Variants in HECW2 observed in about 807,000 individuals in gnomAD.
The protein encoded by HECW2 is HECT, C2 and WW domain containing E3 ubiquitin protein ligase 2.
HECW2 carries 61 observed loss-of-function variants against 175.2 expected under a neutral mutation model. The ratio of observed to expected loss-of-function variants is 0.35; its 90% confidence interval spans 0.28 to 0.43. The LOEUF is 0.43. Among genes scored for constraint, HECW2 ranks in the 20% least tolerant of loss-of-function variants. HECW2 has a pLI of 1.00. For synonymous variants in HECW2, 671 were observed against 731.0 expected, an observed-to-expected ratio of 0.92 and a Z score of 1.32; for missense variants, 1,524 against 2,000.5, an observed-to-expected ratio of 0.76 and a Z score of 4.54.
chr2:196,294,276 T>C (rs2105648872), intron 13 of HECW2, among the ~76,000 whole-genome samples: 1 of 152,306 alleles, frequency 6.6e-6, no homozygotes, highest in African/African-American at 2.4e-5. Flanking sequence ...GGAATAACTG[T>C]ATGGCAGCTG....
intron 1 of HECW2, among the ~76,000 whole-genome samples, chr2:196,568,440 G>A (rs1690256797): frequency 6.6e-6 from 1 of 152,102 alleles, no homozygotes; most frequent in South Asian, 2.1e-4. Context: ...CCAAAAACTA[G>A]GAAATACAGA....
intron 1 of HECW2, among the ~76,000 whole-genome samples, chr2:196,434,032 T>C (rs1482510533): frequency 6.6e-6 from 1 of 152,106 alleles, no homozygotes; most frequent in East Asian, 1.9e-4. Context: ...GCATTCCCCA[T>C]CCCTCCTTTC....
intron 1 of HECW2, among the ~76,000 whole-genome samples, chr2:196,484,155 T>C (rs988267212): frequency 9.2e-5 from 14 of 152,138 alleles, no homozygotes; most frequent in African/African-American, 3.4e-4. Flanking sequence ...CTTCATTAAG[T>C]TGTTGGAGGT....
chr2:196,486,294 C>A (rs1340562643), intron 1 of HECW2, among the ~76,000 whole-genome samples: 1 of 152,210 alleles, frequency 6.6e-6, no homozygotes, highest in Non-Finnish European at 1.5e-5. Flanking sequence ...GGTATTTTCA[C>A]AGCTCTCCAG....
intron 3 of HECW2, among the ~76,000 whole-genome samples, chr2:196,336,756 A>G (rs1692563609): frequency 1.3e-5 from 2 of 152,180 alleles, no homozygotes; most frequent in Admixed American, 1.3e-4. Context: ...TCTCCAACCC[A>G]GATGACAAAG....
chr2:196,314,624 A>G (rs1332562278), intron 10 of HECW2, among the ~76,000 whole-genome samples: 1 of 152,218 alleles, frequency 6.6e-6, no homozygotes, highest in Non-Finnish European at 1.5e-5. Flanking sequence ...GCAACAACCT[A>G]TTAATTACAG....
intron 2 of HECW2, among the ~76,000 whole-genome samples, chr2:196,431,799 AAGAG>A (rs1400252848): frequency 1.3e-5 from 2 of 152,226 alleles, no homozygotes; most frequent in African/African-American, 4.8e-5. Context: ...AAGGAAAAAA[AAGAG>A]AGATAACAAT....
chr2:196,458,722 T>C (rs895993232), intron 1 of HECW2, among the ~76,000 whole-genome samples: 1 of 151,976 alleles, frequency 6.6e-6, no homozygotes, highest in Non-Finnish European at 1.5e-5. Context: ...AAAAATTAGC[T>C]GGGCGTGGTG....
chr2:196,254,220 A>G (rs553002962), intron 18 of HECW2, among the ~76,000 whole-genome samples, 191 bp from the exon 19 acceptor site: 14 of 152,232 alleles, frequency 9.2e-5, no homozygotes, highest in Non-Finnish European at 4.4e-5. Context: ...CCCTGTGGCT[A>G]TTTCCCTGTT....
intron 2 of HECW2, among the ~76,000 whole-genome samples, chr2:196,348,102 T>C (rs1237971652): frequency 6.6e-6 from 1 of 152,266 alleles, no homozygotes; most frequent in African/African-American, 2.4e-5. Flanking sequence ...AGAAGATCAA[T>C]TTTAATTAGT....
At chr2:196,246,777 C>T (rs895314422) in intron 19 of HECW2, among the ~76,000 whole-genome samples, 3 of 152,048 alleles carry the variant, frequency 2.0e-5, no homozygotes, top group Non-Finnish European at 2.9e-5. Context: ...CTTAAAAGGA[C>T]GTGGGAAATG....
At position 196,215,968 on chromosome 2, in the gene HECW2, C is replaced by G. The variant is rs756538096; in HGVS notation, c.4504G>C (p.Gly1502Arg). 1 of 1,610,908 alleles carries G rather than the reference C, an allele frequency of 6.2e-7. No homozygotes were observed. The highest frequency in any genetic ancestry group is 1.7e-5 in the Admixed American group (1 of 59,944). Reference sequence around the variant, plus strand: ...CCTTCATAGGGAATGCTGGATGTGCCTGTAACAAACTGTCAACCCAAGAAA... The same window carrying G: ...CCTTCATAGGGAATGCTGGATGTGCGTGTAACAAACTGTCAACCCAAGAAA... ...QRLRLLQFVT[G>R]TSSIPYEGFA... The change falls in exon 28 of 29, where the codon GGC becomes CGC. Residue 1502 changes from glycine (G) to arginine (R), a missense_variant. Around this residue, in one of 11 missense-constraint regions of HECW2, gnomAD observed 134 missense variants for 287.8 expected, o/e 0.47. Transcript: ENST00000644978.
intron 2 of HECW2, among the ~76,000 whole-genome samples, chr2:196,392,778 A>G (rs926055607): frequency 6.6e-6 from 1 of 152,186 alleles, no homozygotes; most frequent in Non-Finnish European, 1.5e-5. Context: ...TTTACATACA[A>G]AAGATTTTCG....
intron 1 of HECW2, among the ~76,000 whole-genome samples, chr2:196,546,024 T>C (rs574402147): frequency 6.6e-6 from 1 of 152,348 alleles, no homozygotes; most frequent in African/African-American, 2.4e-5. Flanking sequence ...ACATCACTCA[T>C]ACTTTAATAA....
chr2:196,560,823 A>G (rs10181601), intron 1 of HECW2, among the ~76,000 whole-genome samples: 5,786 of 152,226 alleles, frequency 0.038, 364 homozygotes, highest in African/African-American at 0.13. Flanking sequence ...CACTTCCCCA[A>G]TCAATACTCT....
intron 1 of HECW2, among the ~76,000 whole-genome samples, chr2:196,440,390 C>A (rs1395542222): frequency 2.5e-4 from 38 of 152,076 alleles, no homozygotes; most frequent in Admixed American, 2.1e-3. Flanking sequence ...GAAACCTTAA[C>A]TTTTCCCTTA....
chr2:196,342,855 T>C (rs528334318), intron 3 of HECW2, among the ~76,000 whole-genome samples: 6 of 152,094 alleles, frequency 3.9e-5, no homozygotes, highest in Non-Finnish European at 7.4e-5. Flanking sequence ...TTAAGCGATA[T>C]CTTGACTTAT....
intron 2 of HECW2, among the ~76,000 whole-genome samples, chr2:196,426,943 A>G (rs556940911): frequency 6.6e-6 from 1 of 152,196 alleles, no homozygotes; most frequent in African/African-American, 2.4e-5. Flanking sequence ...ATATATTACC[A>G]TGATACTTTT....
chr2:196,402,202 A>AT (rs1694840550), intron 2 of HECW2, among the ~76,000 whole-genome samples: 1 of 112,926 alleles, frequency 8.9e-6, no homozygotes, highest in African/African-American at 3.8e-5. Context: ...CTCTGTCTCA[A>AT]AAAAAAAAAA....
Sources: gnomAD v4.1 joint callset for allele counts (sites outside exome capture counted in the v4.1 genomes callset) on GRCh38, gnomAD v4.1.1 for gene constraint, gnomAD v4.1.1 regional missense constraint, MANE v1.5 for transcripts, NCBI Gene and HGNC (gene_info 2026-07-23, HGNC 2026-07-21) for gene names.